Variants in LMNTD1 observed in about 807,000 individuals in gnomAD.
LMNTD1 encodes the protein lamin tail domain containing 1.
A neutral mutation model predicts 50.9 loss-of-function variants in LMNTD1; 35 were observed. That is an observed-to-expected ratio of 0.69 (90% CI 0.53 to 0.91). The LOEUF (loss-of-function observed/expected upper bound fraction) is 0.91, where lower values mean the gene tolerates loss of function less well. Ranked by LOEUF, LMNTD1 falls within the 40% of genes least tolerant of loss-of-function variation. The probability of loss-of-function intolerance (pLI) is 0.00; values close to 1 mark genes in which losing one functional copy is unlikely to be tolerated. For missense variants in LMNTD1, 470 were observed against 475.5 expected (o/e 0.99, Z 0.11); for synonymous variants, 153 against 161.9 (o/e 0.94, Z 0.42).
chr12:25,545,115 T>C (rs1002959878), intron 4 of LMNTD1, among the ~76,000 whole-genome samples: 5 of 151,778 alleles, frequency 3.3e-5, no homozygotes, highest in East Asian at 3.9e-4. Context: ...TTGTTTCAGA[T>C]TGAAGAACTC....
At chr12:25,494,445 T>C (rs146716030) in intron 9 of LMNTD1, among the ~76,000 whole-genome samples, 4 of 152,164 alleles carry the variant, frequency 2.6e-5, no homozygotes, top group Admixed American at 1.3e-4. Context: ...GATAATCTTA[T>C]GGCATTGAAT....
chr12:25,528,871 C>T (rs1031556011), intron 4 of LMNTD1, among the ~76,000 whole-genome samples: 2 of 152,132 alleles, frequency 1.3e-5, no homozygotes, highest in African/African-American at 4.8e-5. Context: ...GGTACATATC[C>T]TTGAGGGGCT....
intron 1 of LMNTD1, among the ~76,000 whole-genome samples, chr12:25,634,059 T>C (rs1217523577): frequency 1.3e-5 from 2 of 152,146 alleles, no homozygotes; most frequent in Non-Finnish European, 2.9e-5. Flanking sequence ...AACACCTTCA[T>C]GCACATAAAC....
At chr12:25,511,212 T>C (rs538679334) in intron 8 of LMNTD1, among the ~76,000 whole-genome samples, 108 of 152,272 alleles carry the variant, frequency 7.1e-4, no homozygotes, top group African/African-American at 2.5e-3. Context: ...GGCTCAAAGA[T>C]ACTTAAACAA....
chr12:25,570,285 A>C (rs1298860897), intron 1 of LMNTD1, among the ~76,000 whole-genome samples: 2 of 152,188 alleles, frequency 1.3e-5, no homozygotes, highest in African/African-American at 4.8e-5. Context: ...GATAAGAACC[A>C]AAGGAATAGT....
At chr12:25,639,307 T>C (rs1450023975) in intron 1 of LMNTD1, among the ~76,000 whole-genome samples, 2 of 152,052 alleles carry the variant, frequency 1.3e-5, no homozygotes, top group East Asian at 1.9e-4. Flanking sequence ...AATAAAAAAA[T>C]AGATAAATTT....
intron 1 of LMNTD1, among the ~76,000 whole-genome samples, chr12:25,593,412 GC>G (rs1367774589): frequency 6.6e-6 from 1 of 152,294 alleles, no homozygotes; most frequent in Admixed American, 6.5e-5. Context: ...CCCAGTACCA[GC>G]CTGGAGCCTT....
intron 1 of LMNTD1, among the ~76,000 whole-genome samples, chr12:25,613,077 G>A (rs891439535): frequency 6.6e-6 from 1 of 152,184 alleles, no homozygotes; most frequent in Non-Finnish European, 1.5e-5. Context: ...ATTGTCCCCT[G>A]GAAGCTCTGG....
chr12:25,641,646 G>A (rs1044995687), intron 1 of LMNTD1, among the ~76,000 whole-genome samples: 35 of 152,038 alleles, frequency 2.3e-4, no homozygotes, highest in African/African-American at 4.8e-4. Context: ...ATAACTGCTT[G>A]TACTATTATT....
intron 2 of LMNTD1, among the ~76,000 whole-genome samples, chr12:25,550,133 T>A (rs957336472): frequency 2.0e-5 from 3 of 152,298 alleles, no homozygotes; most frequent in South Asian, 2.1e-4. Flanking sequence ...TTGGAGGGAA[T>A]GACAGAATAG....
chr12:25,627,568 GGAGA>G (rs2136584792), intron 1 of LMNTD1, among the ~76,000 whole-genome samples: 1 of 152,194 alleles, frequency 6.6e-6, no homozygotes, highest in African/African-American at 2.4e-5. Flanking sequence ...AAATATTTTG[GGAGA>G]GAGATCCTCA....
At position 25,520,088 on chromosome 12, in the gene LMNTD1, A is replaced by T; in HGVS notation, c.799-13T>A. 1 of 1,565,960 alleles carries T rather than the reference A, an allele frequency of 6.4e-7. No homozygotes were observed. Among genetic ancestry groups the T allele is most frequent in the East Asian group, 2.3e-5 (1 of 43,360 alleles). On this transcript the variant is annotated splice_polypyrimidine_tract_variant and intron_variant, in intron 6 of 9. Coordinates refer to ENST00000458174, the MANE Select transcript of LMNTD1 (RefSeq NM_001145728.2). ...ACCACGCAATGGCCTAATGAAAATGATTTATTAATGTTGGCTATGTATATT... is the reference window on the plus strand; with the variant it reads ...ACCACGCAATGGCCTAATGAAAATGTTTTATTAATGTTGGCTATGTATATT...
intron 1 of LMNTD1, among the ~76,000 whole-genome samples, chr12:25,613,686 T>C (rs1946294575): frequency 6.6e-6 from 1 of 152,222 alleles, no homozygotes; most frequent in Admixed American, 6.5e-5. Context: ...ATTGAATGCA[T>C]GCATAAATTA....
chr12:25,629,973 C>A (rs552934391), intron 1 of LMNTD1, among the ~76,000 whole-genome samples: 71 of 152,172 alleles, frequency 4.7e-4, no homozygotes, highest in African/African-American at 1.5e-3. Context: ...GCAAGCAATT[C>A]GTGGATGCTA....
intron 8 of LMNTD1, among the ~76,000 whole-genome samples, chr12:25,511,820 C>T (rs955740689): frequency 3.9e-5 from 6 of 152,144 alleles, no homozygotes; most frequent in African/African-American, 1.2e-4. Flanking sequence ...ATATTTCAGT[C>T]GGATACAATT....
intron 9 of LMNTD1, among the ~76,000 whole-genome samples, chr12:25,500,629 C>A (rs1393531809): frequency 6.6e-6 from 1 of 152,078 alleles, no homozygotes; most frequent in Non-Finnish European, 1.5e-5. Context: ...GTAACAAGAC[C>A]CATTTGTTCC....
At chr12:25,630,145 A>G (rs1946683441) in intron 1 of LMNTD1, among the ~76,000 whole-genome samples, 1 of 152,212 alleles carries the variant, frequency 6.6e-6, no homozygotes, top group Non-Finnish European at 1.5e-5. Flanking sequence ...CCAACGCTAT[A>G]TGCTCTGGAG....
At chr12:25,642,501 A>G (rs1213989162) in intron 1 of LMNTD1, among the ~76,000 whole-genome samples, 1 of 152,154 alleles carries the variant, frequency 6.6e-6, no homozygotes, top group African/African-American at 2.4e-5. Context: ...CCAGAACTGT[A>G]AGAAAGAAAT....
chr12:25,526,249 C>A (rs1941700307), intron 5 of LMNTD1, 31 bp from the exon 6 acceptor site: 2 of 1,599,292 alleles, frequency 1.3e-6, no homozygotes, highest in Middle Eastern at 1.7e-4. Flanking sequence ...ACAAATGCCA[C>A]TGGAGTTGAA....
Sources: allele counts gnomAD v4.1 joint callset (sites outside exome capture counted in the v4.1 genomes callset), GRCh38; gene constraint gnomAD v4.1.1; transcripts MANE v1.5; gene names NCBI Gene and HGNC (gene_info 2026-07-23, HGNC 2026-07-21).